The following FCAMR variants were observed in gnomAD, a reference collection of about 807,000 sequenced individuals.
FCAMR encodes the protein Fc alpha and mu receptor.
FCAMR carries 51 observed loss-of-function variants against 52.2 expected under a neutral mutation model. That is an observed-to-expected ratio of 0.98 (90% CI 0.78 to 1.23). FCAMR has a LOEUF of 1.23. Among genes scored for constraint, FCAMR ranks in the 50% most tolerant of loss-of-function variants. FCAMR has a pLI of 0.00. For synonymous variants in FCAMR, 282 were observed against 262.0 expected (o/e 1.08, Z -0.74); for missense variants, 719 against 712.6 (o/e 1.01, Z -0.10).
In FCAMR at chr1:206,965,870, G is replaced by T. The variant is rs1011499810; in HGVS notation, c.170-12C>A. 19 of 1,608,234 alleles carry T rather than the reference G, an allele frequency of 1.2e-5. No individual in the cohort carries two copies. Among genetic ancestry groups the T allele is most frequent in the Non-Finnish European group, 1.6e-5 (19 of 1,177,576 alleles). On this transcript the variant is annotated splice_polypyrimidine_tract_variant and intron_variant, in intron 3 of 7. Transcript: ENST00000324852. ...GGCGAAAGAAGAACCTGCAGCAAAG[G>T]AAGGAGATGGGTCATCAGGGGGCCA...
chr1:206,962,064 C>T (rs1445949976), intron 5 of FCAMR, 149 bp downstream of exon 5: 3 of 788,096 alleles, frequency 3.8e-6, no homozygotes, highest in East Asian at 5.4e-5. Context: ...AAATGAAAGC[C>T]TACTTCTTAA....
chr1:206,960,025 C>T (rs1242784725), intron 6 of FCAMR: 11 of 544,340 alleles, frequency 2.0e-5, no homozygotes, highest in Admixed American at 3.1e-5. Flanking sequence ...GTGTGTGGGC[C>T]CTGCGATGCC....
chr1:206,966,033 A>G (rs1330760785), intron 3 of FCAMR, 175 bp from the exon 4 acceptor site: 14 of 814,732 alleles, frequency 1.7e-5, no homozygotes, highest in Non-Finnish European at 2.8e-5. Flanking sequence ...CACTGCTACC[A>G]CCTTGCTGGG....
rs979989132 is a variant in FCAMR, at chr1:206,958,387, T to G, written c.*129A>C. Reference sequence around the variant, plus strand: ...GGACAGCCAGCCTTTCTTCCATGGGTGGAGCACCGGCTGCATCAGCTTCTC... The same window carrying G: ...GGACAGCCAGCCTTTCTTCCATGGGGGGAGCACCGGCTGCATCAGCTTCTC... On this transcript the variant is annotated 3_prime_UTR_variant, in exon 8 of 8. Coordinates refer to ENST00000324852, the MANE Select transcript of FCAMR (RefSeq NM_001170631.2). The G allele has an allele frequency of 1.9e-6, 2 of 1,071,420 alleles. No homozygotes were observed. The highest frequency in any genetic ancestry group is 2.6e-6 in the Non-Finnish European group (2 of 761,566). The allele number at this position is 1,071,420 out of a possible 1,614,324, so 66.4% of individuals were successfully genotyped here.
At position 206,962,304 on chromosome 1, in the gene FCAMR, T is replaced by A. The variant is rs972627590; in HGVS notation, c.561A>T (p.Gln187His). The change falls in exon 5 of 8, where the codon CAA becomes CAT. Residue 187 changes from glutamine (Q) to histidine (H), a missense_variant. Coordinates refer to ENST00000324852, the MANE Select transcript of FCAMR (RefSeq NM_001170631.2). ...AGCATCCGATGTCATCCGGGGACAG[T>A]TGGGACAGCCTCACCACAAACAAGC... ...QRGLFVVRLS[Q>H]LSPDDIGCYL... The A allele has an allele frequency of 1.2e-6, 2 of 1,614,160 alleles. No homozygotes were observed. The highest frequency in any genetic ancestry group is 1.7e-6 in the Non-Finnish European group (2 of 1,180,018).
chr1:206,958,060 G>A lies in FCAMR; in HGVS notation c.*456C>T, dbSNP rs1680320978. On this transcript the variant is annotated 3_prime_UTR_variant, in exon 8 of 8. Transcript: ENST00000324852. The stretch of plus-strand genomic sequence containing the variant: ...ATAAAATGCAATTACTGCCTTAAAG[G>A]AGCTTAGAATCTACTTGAGAAGGCA... 6.5e-6 allele frequency: 1 copy of A among 153,384 alleles called. No individual in the cohort carries two copies. The highest frequency in any genetic ancestry group is 1.9e-4 in the East Asian group (1 of 5,210). The allele number at this position is 153,384 out of a possible 1,614,324, so 9.5% of individuals were successfully genotyped here.
chr1:206,967,215 T>C (rs1680750075), intron 2 of FCAMR, 103 bp from the exon 3 acceptor site: 1 of 1,193,100 alleles, frequency 8.4e-7, no homozygotes, highest in Admixed American at 2.0e-5. Context: ...CTCGGTTTGC[T>C]CAGTGCAGGG....
At chr1:206,969,980 C>A in intron 1 of FCAMR, 107 bp downstream of exon 1, 2 of 1,409,584 alleles carry the variant, frequency 1.4e-6, no homozygotes, top group Non-Finnish European at 9.9e-7. Context: ...AAGGAGCCCA[C>A]CTGCTCTGGG....
intron 7 of FCAMR, among the ~76,000 whole-genome samples, chr1:206,959,185 G>T (rs913097540): frequency 7.2e-5 from 11 of 152,142 alleles, no homozygotes; most frequent in African/African-American, 2.7e-4. Flanking sequence ...TAATTTTATT[G>T]ATTAAAAACC....
intron 1 of FCAMR, among the ~76,000 whole-genome samples, chr1:206,969,025 C>G (rs1680826989): frequency 6.6e-6 from 1 of 152,206 alleles, no homozygotes; most frequent in Non-Finnish European, 1.5e-5. Context: ...AGTCTCAGAC[C>G]TTTCCCTGCC....
Position 206,970,239 on chromosome 1 carries a change from A to AT in FCAMR, c.-115dup. 7.7e-7 allele frequency: 1 copy of AT among 1,291,818 alleles called. No homozygotes were observed. The highest frequency in any genetic ancestry group is 1.1e-6 in the Non-Finnish European group (1 of 913,810). The allele number at this position is 1,291,818 out of a possible 1,614,324, so 80.0% of individuals were successfully genotyped here. ...CTGGAGACTGAGAAGTCAAGGTGGT[A>AT]TTTTGGAAAGCAGCTGGAGCTAGCA... On this transcript the variant is annotated 5_prime_UTR_variant, in exon 1 of 8. Coordinates refer to ENST00000324852, the MANE Select transcript of FCAMR (RefSeq NM_001170631.2).
rs376441878 is a variant in FCAMR at position 206,965,736 on chromosome 1, G to T, written c.292C>A (p.Arg98=). 15 of 1,575,710 alleles carry T rather than the reference G, an allele frequency of 9.5e-6. 1 individual carries two copies. The African/African-American group carries it at 1.1e-4, about 12-fold the overall frequency. Residue 98 remains arginine (R), a synonymous_variant, in exon 4 of 8, where the codon CGG becomes AGG. Transcript: ENST00000324852. ...TLRPSSPLCW[R]EESSFAAPNS... ...GTACCTGCAAAGGAGCTCTCCTCCC[G>T]CCAGCAGAGGGGCGAGGAAGGCCTG... is the stretch of plus-strand genomic sequence containing the variant.
intron 4 of FCAMR, among the ~76,000 whole-genome samples, chr1:206,963,239 CAG>C (rs1680578218): frequency 6.6e-6 from 1 of 152,090 alleles, no homozygotes; most frequent in Non-Finnish European, 1.5e-5. Context: ...TCCATAGAAA[CAG>C]AAACAACCAA....
In FCAMR at chr1:206,960,371, G is replaced by A. The variant is rs185461480; in HGVS notation, c.1454+51C>T. 21 of 1,448,252 alleles carry A rather than the reference G, an allele frequency of 1.5e-5. No homozygotes were observed. In the Admixed American group the frequency reaches 4.5e-4, roughly 31 times the overall value. The allele number at this position is 1,448,252 out of a possible 1,614,324, so 89.7% of individuals were successfully genotyped here. On this transcript the variant is annotated intron_variant, in intron 6 of 7. Coordinates refer to ENST00000324852, the MANE Select transcript of FCAMR (RefSeq NM_001170631.2). The stretch of plus-strand genomic sequence containing the variant: ...GAGAGGGGCCTCCCTTGCATGCCAG[G>A]GATGAGGCAGATGTGGGGCCCCCCA...
In FCAMR at chr1:206,961,097, G is replaced by A. The variant is rs1171561290; in HGVS notation, c.779C>T (p.Thr260Ile). The part of the protein sequence containing the change: ...PGTTQTLGQG[T>I]AWDTVASTPG... ...AGTGGAAGCAACTGTGTCCCATGCT[G>A]TCCCCTGTCCTAAGGTCTGGGTGGT... The change falls in exon 6 of 8, where the codon ACA becomes ATA. Residue 260 changes from threonine to isoleucine, a missense_variant. Transcript: ENST00000324852. 2 of 1,551,698 alleles carry A rather than the reference G, an allele frequency of 1.3e-6. No individual in the cohort carries two copies. The highest frequency in any genetic ancestry group is 3.9e-5 in the Admixed American group (2 of 50,990).
rs753551566 is a variant in FCAMR at position 206,958,515 on chromosome 1, C to T, written c.*1G>A. On this transcript the variant is annotated 3_prime_UTR_variant, in exon 8 of 8. Coordinates refer to ENST00000324852, the MANE Select transcript of FCAMR (RefSeq NM_001170631.2). Reference sequence around the variant, plus strand: ...AACTGAGCAGTTCATCTCTCTGTCCCTCAGGGTCCTGGATTTCTCTCTGGG... The same window carrying T: ...AACTGAGCAGTTCATCTCTCTGTCCTTCAGGGTCCTGGATTTCTCTCTGGG... The T allele has an allele frequency of 1.9e-6, 3 of 1,610,864 alleles. No individual in the cohort carries two copies. Among genetic ancestry groups the T allele is most frequent in the Middle Eastern group, 2.1e-4 (1 of 4,740 alleles).
In FCAMR at chr1:206,961,024, T is replaced by G. The variant is rs1319089514; in HGVS notation, c.852A>C (p.Pro284=). 1.3e-6 allele frequency: 2 copies of G among 1,551,910 alleles called. No homozygotes were observed. The highest frequency in any genetic ancestry group is 3.9e-5 in the Admixed American group (2 of 51,006). The change falls in exon 6 of 8, where the codon CCA becomes CCC. Residue 284 remains proline (P), a synonymous_variant. Coordinates refer to ENST00000324852, the MANE Select transcript of FCAMR (RefSeq NM_001170631.2). ...TTASAEGRRT[P]GATRPAAPGT... The stretch of plus-strand genomic sequence containing the variant: ...CTGGAGCTGCTGGCCTGGTTGCTCC[T>G]GGGGTTCGTCTTCCCTCAGCTGAAG...
chr1:206,960,770 G>C lies in FCAMR; in HGVS notation c.1106C>G (p.Ala369Gly), dbSNP rs565464662. Residue 369 changes from alanine to glycine, a missense_variant, in exon 6 of 8, where the codon GCC becomes GGC. By Grantham distance (60) the Ala-to-Gly change is moderately conservative. Coordinates refer to ENST00000324852, the MANE Select transcript of FCAMR (RefSeq NM_001170631.2). ...IEGVRIALDA[A>G]KKVLGTIGPP... is the part of the protein sequence containing the mutation. ...CCCAATGGTTCCTAGGACCTTTTTG[G>C]CTGCATCAAGAGCTATCCTGACCCC... is the stretch of plus-strand genomic sequence containing the variant. 2 of 1,552,358 alleles carry C rather than the reference G, an allele frequency of 1.3e-6. No homozygotes were observed. Among genetic ancestry groups the C allele is most frequent in the Non-Finnish European group, 1.7e-6 (2 of 1,147,138 alleles).
rs902293566 is a variant in FCAMR, at chr1:206,967,667, G to C, written c.40-16C>G. 2 of 1,613,422 alleles carry C rather than the reference G, an allele frequency of 1.2e-6. No individual in the cohort carries two copies. Among genetic ancestry groups the C allele is most frequent in the African/African-American group, 2.7e-5 (2 of 74,910 alleles). On this transcript the variant is annotated splice_polypyrimidine_tract_variant and intron_variant, in intron 1 of 7. Transcript: ENST00000324852. The stretch of plus-strand genomic sequence containing the variant: ...TCACCACTTCCTGTTTGCAGAAGGG[G>C]AATTGGTTTTTTCAAGGGAAGATTT...
Sources: allele counts gnomAD v4.1 joint callset (sites outside exome capture counted in the v4.1 genomes callset), GRCh38; gene constraint gnomAD v4.1.1; transcripts MANE v1.5; gene names NCBI Gene and HGNC (gene_info 2026-07-23, HGNC 2026-07-21).